Variants in XRN2 observed in about 807,000 individuals in gnomAD.
The protein encoded by XRN2 is DHM1-like protein.
Under a neutral mutation model 138.5 loss-of-function variants are expected in XRN2, and 44 were observed. The observed-to-expected ratio is 0.32, with a 90% CI of 0.25 to 0.41. The LOEUF is 0.41. Among genes scored for constraint, XRN2 ranks in the 10% least tolerant of loss-of-function variants. XRN2 has a pLI of 1.00. For missense variants in XRN2, 937 were observed against 1,169.3 expected (o/e 0.80, Z 2.90); for synonymous variants, 354 against 369.4 (o/e 0.96, Z 0.48).
At chr20:21,387,705 G>A (rs1214378176) in intron 29 of XRN2, among the ~76,000 whole-genome samples, 5 of 152,178 alleles carry the variant, frequency 3.3e-5, no homozygotes, top group African/African-American at 4.8e-5. Flanking sequence ...ATCCTTACTA[G>A]AGAACAAGAT....
chr20:21,365,450 A>G lies in XRN2; in HGVS notation c.2285A>G (p.Glu762Gly). ...AATTTTAAAGACCCACAGTTTGCTGAAGATTACATTTTTAAAGCTGTAATG... is the reference window on the plus strand; with the variant it reads ...AATTTTAAAGACCCACAGTTTGCTGGAGATTACATTTTTAAAGCTGTAATG... Reference protein sequence around the residue: ...SINFKDPQFAEDYIFKAVMLP... With the variant: ...SINFKDPQFAGDYIFKAVMLP... Residue 762 changes from glutamate (E) to glycine (G), a missense_variant, in exon 25 of 30, where the codon GAA becomes GGA. Physicochemically the swap from Glu to Gly is moderately conservative, Grantham distance 98. Coordinates refer to ENST00000377191, the MANE Select transcript of XRN2 (RefSeq NM_012255.5). 6.2e-7 allele frequency: 1 copy of G among 1,613,734 alleles called. No individual in the cohort carries two copies. Among genetic ancestry groups the G allele is most frequent in the Non-Finnish European group, 8.5e-7 (1 of 1,179,918 alleles).
chr20:21,305,150 G>T (rs1254930421), intron 1 of XRN2, among the ~76,000 whole-genome samples: 2 of 152,088 alleles, frequency 1.3e-5, no homozygotes, highest in African/African-American at 4.8e-5. Context: ...GTCACACCTG[G>T]CTATTCTGTA....
chr20:21,314,404 T>C (rs1288090030), intron 1 of XRN2, among the ~76,000 whole-genome samples: 2 of 152,232 alleles, frequency 1.3e-5, no homozygotes, highest in African/African-American at 4.8e-5. Context: ...ACATTCATGT[T>C]ATGTTTCTAT....
At chr20:21,324,140 A>AC (rs778988025) in intron 1 of XRN2, among the ~76,000 whole-genome samples, 38 of 151,894 alleles carry the variant, frequency 2.5e-4, no homozygotes, top group Non-Finnish European at 5.0e-4. Context: ...TATAGACTCC[A>AC]CCCACCCCCC....
chr20:21,371,162 A>T (rs1440898485), intron 27 of XRN2, among the ~76,000 whole-genome samples: 4 of 152,312 alleles, frequency 2.6e-5, no homozygotes, highest in Non-Finnish European at 5.9e-5. Flanking sequence ...TGGATAATTG[A>T]TGGGAAATAT....
intron 13 of XRN2, among the ~76,000 whole-genome samples, chr20:21,336,604 C>T (rs2038297745): frequency 6.6e-6 from 1 of 152,102 alleles, no homozygotes; most frequent in Non-Finnish European, 1.5e-5. Context: ...TACCATGTGC[C>T]AGACAGTGTT....
intron 27 of XRN2, among the ~76,000 whole-genome samples, chr20:21,380,735 C>G (rs1265825461): frequency 6.6e-6 from 1 of 152,222 alleles, no homozygotes; most frequent in Non-Finnish European, 1.5e-5. Flanking sequence ...GCTTCCTGCA[C>G]CTTTCTGAGA....
intron 1 of XRN2, among the ~76,000 whole-genome samples, chr20:21,324,043 G>A (rs1237071058): frequency 6.6e-6 from 1 of 152,100 alleles, no homozygotes; most frequent in Non-Finnish European, 1.5e-5. Flanking sequence ...TGTGGACTTT[G>A]GGGTGTAGAG....
intron 20 of XRN2, among the ~76,000 whole-genome samples, chr20:21,351,174 G>A (rs1321168201): frequency 1.3e-5 from 2 of 152,140 alleles, no homozygotes; most frequent in Non-Finnish European, 2.9e-5. Context: ...TTCTTTCACT[G>A]ACAGGATATT....
At chr20:21,316,598 G>C (rs1264847792) in intron 1 of XRN2, among the ~76,000 whole-genome samples, 2 of 152,112 alleles carry the variant, frequency 1.3e-5, no homozygotes, top group Non-Finnish European at 2.9e-5. Flanking sequence ...GCTAATAATA[G>C]CTGTGTGCAT....
At chr20:21,315,249 CT>C (rs1209689530) in intron 1 of XRN2, among the ~76,000 whole-genome samples, 1 of 152,186 alleles carries the variant, frequency 6.6e-6, no homozygotes, top group Non-Finnish European at 1.5e-5. Context: ...TCTACAGTCA[CT>C]TTTGAGAACT....
At chr20:21,303,726 C>T in intron 1 of XRN2, 1 of 1,237,238 alleles carries the variant, frequency 8.1e-7, no homozygotes, top group Non-Finnish European at 1.0e-6. Flanking sequence ...GAGGGTCGCT[C>T]CTCCCCTACT....
intron 27 of XRN2, among the ~76,000 whole-genome samples, chr20:21,376,177 T>C (rs551074840): frequency 6.6e-6 from 1 of 151,966 alleles, no homozygotes; most frequent in African/African-American, 2.4e-5. Flanking sequence ...CCGGGTGCAG[T>C]GGCTCACACC....
At position 21,368,562 on chromosome 20, in the gene XRN2, A is replaced by G. The variant is rs755685058; in HGVS notation, c.2556A>G (p.Gly852=). 11 of 1,614,072 alleles carry G rather than the reference A, an allele frequency of 6.8e-6. 1 individual carries two copies. The South Asian group carries it at 1.1e-4, about 16-fold the overall frequency. ...ACTTATACAGGCCGCTTTTGAGAGGACAAGCCCAGATTCCAAAACTTATGT... is the reference window on the plus strand; with the variant it reads ...ACTTATACAGGCCGCTTTTGAGAGGGCAAGCCCAGATTCCAAAACTTATGT... ...QGNLYRPLLR[G]QAQIPKLMSN... is the part of the protein sequence containing the mutation. Residue 852 remains glycine (G), a synonymous_variant, in exon 27 of 30, where the codon GGA becomes GGG. Coordinates refer to ENST00000377191, the MANE Select transcript of XRN2 (RefSeq NM_012255.5).
In XRN2 at chr20:21,360,633, T is replaced by C. The variant is rs368992825; in HGVS notation, c.2255+2841T>C. ...TCACTTTTGGATGAATCAGACAAGA[T>C]ATAGAATGTTTTATTCCTTCAAGGA... is the stretch of plus-strand genomic sequence containing the variant. On this transcript the variant is annotated intron_variant, in intron 24 of 29. Transcript: ENST00000377191. Among the ~76,000 whole-genome samples, 69 of 152,306 alleles carry C rather than the reference T, an allele frequency of 4.5e-4. No homozygotes were observed. In the South Asian group the frequency reaches 0.014, roughly 31 times the overall value.
intron 4 of XRN2, among the ~76,000 whole-genome samples, chr20:21,329,190 A>G (rs1383528092): frequency 1.3e-5 from 2 of 152,126 alleles, no homozygotes; most frequent in Non-Finnish European, 2.9e-5. Flanking sequence ...CAGGCACAGT[A>G]CTTATGGTTC....
intron 14 of XRN2, among the ~76,000 whole-genome samples, chr20:21,339,802 T>C (rs2038348011): frequency 6.6e-6 from 1 of 152,206 alleles, no homozygotes; most frequent in African/African-American, 2.4e-5. Flanking sequence ...GCATAATGCT[T>C]TATAGTCATT....
At position 21,389,560 on chromosome 20, in the gene XRN2, C is replaced by T; in HGVS notation, c.*222C>T. The T allele has an allele frequency of 2.4e-6, 1 of 409,184 alleles. No individual in the cohort carries two copies. Among genetic ancestry groups the T allele is most frequent in the Non-Finnish European group, 4.3e-6 (1 of 231,506 alleles). The allele number at this position is 409,184 out of a possible 1,614,324, so 25.3% of individuals were successfully genotyped here. ...TCTGAATTTATTATTGCTTATAAAA[C>T]ACATTTGATGGAATAGGAGTACTGG... On this transcript the variant is annotated 3_prime_UTR_variant, in exon 30 of 30. Coordinates refer to ENST00000377191, the MANE Select transcript of XRN2 (RefSeq NM_012255.5).
chr20:21,365,022 A>G (rs2038678610), intron 24 of XRN2, among the ~76,000 whole-genome samples: 1 of 151,980 alleles, frequency 6.6e-6, no homozygotes. Context: ...TCTTTTCTTT[A>G]TTAAAATAAG....
Sources: allele counts gnomAD v4.1 joint callset (sites outside exome capture counted in the v4.1 genomes callset), GRCh38; gene constraint gnomAD v4.1.1; transcripts MANE v1.5; gene names NCBI Gene and HGNC (gene_info 2026-07-23, HGNC 2026-07-21).